Variants in CTNNA3 observed in about 807,000 individuals in gnomAD.
CTNNA3 encodes the protein catenin alpha 3, also known as catenin alpha-3.
CTNNA3 carries 76 observed loss-of-function variants against 95.7 expected under a neutral mutation model. The ratio of observed to expected loss-of-function variants is 0.79; its 90% CI spans 0.66 to 0.96. CTNNA3 has a LOEUF of 0.96. Ranked by LOEUF, CTNNA3 falls within the 40% of genes least tolerant of loss-of-function variation. The pLI, the probability that CTNNA3 is intolerant of heterozygous loss-of-function variation, is 0.00. For missense variants in CTNNA3, 1,191 were observed against 1,089.8 expected (o/e 1.09, Z -1.31); for synonymous variants, 431 against 374.4 (o/e 1.15, Z -1.74).
intron 3 of CTNNA3, among the ~76,000 whole-genome samples, chr10:67,564,679 A>ATGTG (rs1369952264): frequency 6.1e-5 from 1 of 16,300 alleles, no homozygotes; most frequent in African/African-American, 1.6e-4. Context: ...GTGTGTGTGT[A>ATGTG]TATATATATA....
At chr10:67,374,093 T>C (rs996225756) in intron 5 of CTNNA3, among the ~76,000 whole-genome samples, 1 of 152,210 alleles carries the variant, frequency 6.6e-6, no homozygotes, top group African/African-American at 2.4e-5. Flanking sequence ...AAATTATGTC[T>C]AGATTTCCTT....
chr10:65,998,611 A>G (rs1715550306), intron 15 of CTNNA3, among the ~76,000 whole-genome samples: 1 of 152,094 alleles, frequency 6.6e-6, no homozygotes, highest in Non-Finnish European at 1.5e-5. Flanking sequence ...TGAGGAGGGG[A>G]AAAAGGAATA....
intron 9 of CTNNA3, among the ~76,000 whole-genome samples, chr10:66,643,104 CAGCT>C (rs1564588984): frequency 6.6e-6 from 1 of 152,096 alleles, no homozygotes; most frequent in Admixed American, 6.6e-5. Context: ...GTAGGTGCTC[CAGCT>C]AGCTAACAGA....
intron 10 of CTNNA3, among the ~76,000 whole-genome samples, chr10:66,575,682 T>A (rs1842984054): frequency 6.6e-6 from 1 of 152,164 alleles, no homozygotes; most frequent in African/African-American, 2.4e-5. Flanking sequence ...GCTCTTCCCA[T>A]TTATTCCATT....
chr10:67,534,764 G>A (rs1840439677), intron 4 of CTNNA3, among the ~76,000 whole-genome samples: 1 of 152,108 alleles, frequency 6.6e-6, no homozygotes, highest in Non-Finnish European at 1.5e-5. Context: ...ATCTATAAAT[G>A]AAAATAATTC....
In CTNNA3 at chr10:65,916,400, C is replaced by T. The variant is rs1302388652; in HGVS notation, c.*3930G>A. ...CTTTGCCAACCTAAAGAACTACTTA[C>T]AATGAAAGTGAAAGAGGCTGTTTAT... On this transcript the variant is annotated 3_prime_UTR_variant, in exon 18 of 18. Coordinates refer to ENST00000433211, the MANE Select transcript of CTNNA3 (RefSeq NM_013266.4). The T allele has an allele frequency of 6.6e-6, 1 of 151,978 alleles. No homozygotes were observed. The highest frequency in any genetic ancestry group is 1.9e-4 in the East Asian group (1 of 5,178). The allele number at this position is 151,978 out of a possible 1,614,324, so 9.4% of individuals were successfully genotyped here.
intron 17 of CTNNA3, among the ~76,000 whole-genome samples, chr10:65,951,140 C>T (rs2077603944): frequency 6.6e-6 from 1 of 152,158 alleles, no homozygotes; most frequent in African/African-American, 2.4e-5. Context: ...ATGCAGATTG[C>T]TTAAGCAAAA....
At chr10:67,475,455 A>T (rs1367254414) in intron 5 of CTNNA3, among the ~76,000 whole-genome samples, 1 of 152,192 alleles carries the variant, frequency 6.6e-6, no homozygotes, top group African/African-American at 2.4e-5. Context: ...ATTCCTACCT[A>T]TGGCTTCCTC....
chr10:67,241,826 A>G (rs1402952327), intron 5 of CTNNA3, among the ~76,000 whole-genome samples: 6 of 152,234 alleles, frequency 3.9e-5, no homozygotes, highest in Non-Finnish European at 8.8e-5. Flanking sequence ...CACACATATT[A>G]ATAAAAAGTG....
intron 15 of CTNNA3, among the ~76,000 whole-genome samples, chr10:65,991,896 G>A (rs750258599): frequency 1.3e-5 from 2 of 151,880 alleles, no homozygotes; most frequent in Non-Finnish European, 1.5e-5. Flanking sequence ...TGTAATATGT[G>A]GCCTTTATTA....
chr10:67,305,149 G>T (rs959627709), intron 5 of CTNNA3, among the ~76,000 whole-genome samples: 1 of 151,896 alleles, frequency 6.6e-6, no homozygotes, highest in Non-Finnish European at 1.5e-5. Flanking sequence ...GGTGGGGGGC[G>T]CCCGTAGTCC....
chr10:67,187,745 C>A (rs567320430), intron 6 of CTNNA3, among the ~76,000 whole-genome samples: 2 of 152,070 alleles, frequency 1.3e-5, no homozygotes, highest in Non-Finnish European at 2.9e-5. Context: ...GCCACCCCAC[C>A]CAGCTAGTTT....
At chr10:67,462,103 G>A (rs916468197) in intron 5 of CTNNA3, among the ~76,000 whole-genome samples, 2 of 152,152 alleles carry the variant, frequency 1.3e-5, no homozygotes, top group Non-Finnish European at 2.9e-5. Context: ...TCTCAGCTCT[G>A]GATCTCAGTT....
intron 14 of CTNNA3, among the ~76,000 whole-genome samples, chr10:66,087,372 G>A (rs752445122): frequency 6.6e-6 from 1 of 151,954 alleles, no homozygotes; most frequent in South Asian, 2.1e-4. Flanking sequence ...TCCTCTTATC[G>A]CGAGACAACA....
chr10:66,304,137 A>G (rs891701350), intron 12 of CTNNA3, among the ~76,000 whole-genome samples: 2 of 152,174 alleles, frequency 1.3e-5, no homozygotes, highest in African/African-American at 4.8e-5. Flanking sequence ...GGACAAACAT[A>G]TTGGGGGGAA....
At chr10:66,123,707 C>T (rs2082691724) in intron 13 of CTNNA3, among the ~76,000 whole-genome samples, 1 of 152,182 alleles carries the variant, frequency 6.6e-6, no homozygotes, top group South Asian at 2.1e-4. Flanking sequence ...GTGGAGGTAC[C>T]CAAACCCAAA....
At chr10:66,942,519 C>G (rs1848050539) in intron 7 of CTNNA3, among the ~76,000 whole-genome samples, 1 of 151,774 alleles carries the variant, frequency 6.6e-6, no homozygotes, top group Non-Finnish European at 1.5e-5. Flanking sequence ...CATTATCCTA[C>G]AAATCTCTCT....
chr10:67,680,319 A>T (rs934490214), intron 1 of CTNNA3, among the ~76,000 whole-genome samples: 2 of 152,246 alleles, frequency 1.3e-5, no homozygotes, highest in African/African-American at 2.4e-5. Context: ...AACAATTTGT[A>T]TGCCTCACTA....
At chr10:66,789,751 G>A (rs766535789) in intron 7 of CTNNA3, among the ~76,000 whole-genome samples, 25 of 152,288 alleles carry the variant, frequency 1.6e-4, no homozygotes, top group Non-Finnish European at 3.5e-4. Flanking sequence ...GTAATGTGAC[G>A]TGGGGATAGT....
Sources: allele counts gnomAD v4.1 joint callset (sites outside exome capture counted in the v4.1 genomes callset), GRCh38; gene constraint gnomAD v4.1.1; transcripts MANE v1.5; gene names NCBI Gene and HGNC (gene_info 2026-07-23, HGNC 2026-07-21).